Variants in PPP2CB observed in about 807,000 individuals in gnomAD.
PPP2CB encodes the protein protein phosphatase 2 catalytic subunit beta, also known as serine/threonine-protein phosphatase 2A catalytic subunit beta isoform.
PPP2CB carries 18 observed loss-of-function variants against 39.1 expected under a neutral mutation model. The observed-to-expected ratio is 0.46, with a 90% CI of 0.32 to 0.68. The LOEUF (loss-of-function observed/expected upper bound fraction) is 0.68. Ranked by LOEUF, PPP2CB falls within the 30% of genes least tolerant of loss-of-function variation. The pLI is 0.04. For missense variants in PPP2CB, 226 were observed against 396.9 expected (o/e 0.57, Z 3.66); for synonymous variants, 129 against 133.8 (o/e 0.96, Z 0.25).
At chr8:30,786,817 C>T (rs1010432340) in intron 6 of PPP2CB, among the ~76,000 whole-genome samples, 4 of 148,418 alleles carry the variant, frequency 2.7e-5, no homozygotes, top group South Asian at 2.1e-4. Context: ...GAACCCATTA[C>T]CATGCCCGGC....
chr8:30,793,673 G>T, intron 5 of PPP2CB: 1 of 364,460 alleles, frequency 2.7e-6, no homozygotes, highest in Non-Finnish European at 4.9e-6. Flanking sequence ...GAATCTGAAT[G>T]AAGCATACAG....
intron 1 of PPP2CB, among the ~76,000 whole-genome samples, chr8:30,811,183 G>A (rs1806819759): frequency 6.6e-6 from 1 of 152,154 alleles, no homozygotes; most frequent in African/African-American, 2.4e-5. Flanking sequence ...CACTCACGAT[G>A]TACAAGAACG....
At chr8:30,801,795 ACACACTGTAGGAATCACAAAGTTACT>A (rs1167826344) in intron 1 of PPP2CB, among the ~76,000 whole-genome samples, 1 of 152,182 alleles carries the variant, frequency 6.6e-6, no homozygotes, top group African/African-American at 2.4e-5. Context: ...TAGTTTGTAC[ACACACTGTAGGAATCACAAAGTTACT>A]CTAGCCCCAG....
chr8:30,803,851 C>T (rs868056566), intron 1 of PPP2CB, among the ~76,000 whole-genome samples: 1 of 150,486 alleles, frequency 6.6e-6, no homozygotes, highest in African/African-American at 2.4e-5. Context: ...GAGTCCTGCT[C>T]TGTCGTCCAG....
intron 5 of PPP2CB, 168 bp downstream of exon 5, chr8:30,793,749 C>G: frequency 3.2e-6 from 2 of 633,660 alleles, no homozygotes; most frequent in Non-Finnish European, 4.9e-6. Context: ...AGTTATAATT[C>G]TGCTCTGGTC....
chr8:30,791,508 A>G, intron 5 of PPP2CB, 193 bp from the exon 6 acceptor site: 1 of 479,096 alleles, frequency 2.1e-6, no homozygotes, highest in Non-Finnish European at 3.6e-6. Flanking sequence ...TGGGCCTAGG[A>G]GTCTGTTAAA....
intron 1 of PPP2CB, among the ~76,000 whole-genome samples, chr8:30,811,680 T>C (rs1004628378): frequency 5.3e-5 from 8 of 150,850 alleles, no homozygotes; most frequent in Admixed American, 5.3e-4. Context: ...AAATTTTTTG[T>C]GTGTGGAGAC....
At chr8:30,811,688 G>A (rs1255166276) in intron 1 of PPP2CB, among the ~76,000 whole-genome samples, 1 of 151,164 alleles carries the variant, frequency 6.6e-6, no homozygotes, top group Non-Finnish European at 1.5e-5. Context: ...TGTGTGTGGA[G>A]ACGGGGCCTC....
intron 2 of PPP2CB, among the ~76,000 whole-genome samples, chr8:30,798,136 G>A (rs190310618): frequency 9.2e-5 from 14 of 152,280 alleles, no homozygotes; most frequent in Admixed American, 6.5e-5. Flanking sequence ...AAAATCACAG[G>A]TTTGAAGCTG....
chr8:30,804,881 G>A (rs1806692732), intron 1 of PPP2CB, among the ~76,000 whole-genome samples: 2 of 151,586 alleles, frequency 1.3e-5, no homozygotes, highest in Admixed American at 1.3e-4. Flanking sequence ...GGTTTTCTAT[G>A]ACCACCCTAT....
chr8:30,794,556 C>T (rs1396308445), intron 3 of PPP2CB: 4 of 247,138 alleles, frequency 1.6e-5, no homozygotes, highest in Non-Finnish European at 2.8e-5. Flanking sequence ...CATTAAATTT[C>T]TTTCTTTCTT....
At chr8:30,811,355 G>GA (rs1563218564) in intron 1 of PPP2CB, among the ~76,000 whole-genome samples, 1 of 152,088 alleles carries the variant, frequency 6.6e-6, no homozygotes, top group East Asian at 1.9e-4. Context: ...TCTCGTTTCT[G>GA]AAAATCAACA....
intron 1 of PPP2CB, among the ~76,000 whole-genome samples, chr8:30,805,922 A>C (rs1806717277): frequency 6.6e-6 from 1 of 152,196 alleles, no homozygotes; most frequent in Non-Finnish European, 1.5e-5. Context: ...ATGATGATAA[A>C]TATTTCTAAA....
At chr8:30,806,899 G>T (rs1361943179) in intron 1 of PPP2CB, among the ~76,000 whole-genome samples, 1 of 152,120 alleles carries the variant, frequency 6.6e-6, no homozygotes, top group Non-Finnish European at 1.5e-5. Flanking sequence ...TTAAAGGGCA[G>T]TATTAAGTAT....
intron 1 of PPP2CB, among the ~76,000 whole-genome samples, chr8:30,811,670 A>G (rs1745052283): frequency 6.6e-6 from 1 of 150,502 alleles, no homozygotes. Flanking sequence ...TAATTAAAAA[A>G]AATTTTTTGT....
chr8:30,811,338 G>T (rs1181837631), intron 1 of PPP2CB, among the ~76,000 whole-genome samples: 1 of 152,076 alleles, frequency 6.6e-6, no homozygotes, highest in African/African-American at 2.4e-5. Flanking sequence ...CCAAACTTAA[G>T]ATCGGCTCTC....
At position 30,801,032 on chromosome 8, in the gene PPP2CB, C is replaced by T. The variant is rs1183421944; in HGVS notation, c.103-1277G>A. On this transcript the variant is annotated intron_variant, in intron 1 of 6. Transcript: ENST00000221138. ...GACCAGGCTGGGCAACATAGTGAGA[C>T]CTCTGGTCTCTATAAAAAATTTAAA... Among the ~76,000 whole-genome samples the T allele has an allele frequency of 2.0e-5, 3 of 150,784 alleles. No homozygotes were observed. In the East Asian group the frequency reaches 5.9e-4, roughly 30 times the overall value.
intron 1 of PPP2CB, among the ~76,000 whole-genome samples, chr8:30,809,181 T>A (rs1304277315): frequency 1.3e-5 from 2 of 151,962 alleles, no homozygotes; most frequent in African/African-American, 4.8e-5. Flanking sequence ...CCCAAAATGC[T>A]GGGATTACAG....
At position 30,791,310 on chromosome 8, in the gene PPP2CB, G is replaced by C. The variant is rs761546598; in HGVS notation, c.744C>G (p.Tyr248Ter). The change falls in exon 6 of 7, where the codon TAC (tyrosine) becomes TAG (stop). Residue 248 changes from tyrosine to a stop codon, truncating the protein, a stop_gained. Transcript: ENST00000221138. LOFTEE classifies it high-confidence loss of function. ...SRAHQLVMEG[Y>*]NWCHDRNVVT... is the part of the protein sequence containing the mutation. ...CCACATTCCGATCATGACACCAATTGTATCCCTGCAGGATAAAAACAAATT... is the reference window on the plus strand; with the variant it reads ...CCACATTCCGATCATGACACCAATTCTATCCCTGCAGGATAAAAACAAATT... 1 of 1,595,772 alleles carries C rather than the reference G, an allele frequency of 6.3e-7. No individual in the cohort carries two copies. The highest frequency in any genetic ancestry group is 8.6e-7 in the Non-Finnish European group (1 of 1,166,592).
Sources: allele counts gnomAD v4.1 joint callset (sites outside exome capture counted in the v4.1 genomes callset), GRCh38; gene constraint gnomAD v4.1.1; transcripts MANE v1.5; gene names NCBI Gene and HGNC (gene_info 2026-07-23, HGNC 2026-07-21).